CA6: variants seen among roughly 807,000 people sequenced by gnomAD.
CA6 encodes carbonate dehydratase VI.
Under a neutral mutation model 35.9 loss-of-function variants are expected in CA6, and 28 were observed. That is an observed-to-expected ratio of 0.78 (90% confidence interval 0.58 to 1.07). The LOEUF is 1.07. Ranked by LOEUF, CA6 falls within the 50% of genes least tolerant of loss-of-function variation. CA6 has a pLI of 0.00. For missense variants in CA6, 377 were observed against 382.0 expected, an observed-to-expected ratio of 0.99 and a Z score of 0.11; for synonymous variants, 148 against 152.6, an observed-to-expected ratio of 0.97 and a Z score of 0.22.
chr1:8,969,233 T>C (rs1195780085), intron 6 of CA6, among the ~76,000 whole-genome samples: 3 of 151,834 alleles, frequency 2.0e-5, no homozygotes, highest in Non-Finnish European at 4.4e-5. Context: ...GAGAATCGCT[T>C]GAACCCAGGA....
intron 6 of CA6, among the ~76,000 whole-genome samples, chr1:8,968,408 G>T (rs1640026619): frequency 6.6e-6 from 1 of 151,742 alleles, no homozygotes; most frequent in South Asian, 2.1e-4. Context: ...ATTATCTCTG[G>T]GAAAATGACC....
intron 4 of CA6, among the ~76,000 whole-genome samples, chr1:8,961,895 G>T (rs572876664): frequency 2.5e-4 from 38 of 152,340 alleles, no homozygotes; most frequent in African/African-American, 8.9e-4. Context: ...GAACTTGTGA[G>T]ATCAAGCCCT....
chr1:8,973,161 A>G (rs1569736478), intron 7 of CA6, among the ~76,000 whole-genome samples: 1 of 152,264 alleles, frequency 6.6e-6, no homozygotes, highest in East Asian at 1.9e-4. Context: ...CTGGGATTAC[A>G]GGCACGCGCC....
intron 5 of CA6, among the ~76,000 whole-genome samples, chr1:8,966,157 G>A (rs1242657462): frequency 2.0e-5 from 3 of 151,660 alleles, no homozygotes; most frequent in Non-Finnish European, 4.4e-5. Context: ...TCGCTGGGGC[G>A]GGAGTGCAGT....
chr1:8,960,781 C>CAT (rs1273392121), intron 4 of CA6, among the ~76,000 whole-genome samples: 3 of 107,598 alleles, frequency 2.8e-5, no homozygotes, highest in African/African-American at 3.5e-5. Flanking sequence ...CACACACACA[C>CAT]ACACACACAT....
intron 1 of CA6, among the ~76,000 whole-genome samples, chr1:8,947,342 T>C (rs1181504382): frequency 6.6e-6 from 1 of 152,038 alleles, no homozygotes; most frequent in Non-Finnish European, 1.5e-5. Context: ...GAGACAAACA[T>C]CTGCTTCCTG....
intron 2 of CA6, among the ~76,000 whole-genome samples, chr1:8,953,767 A>C (rs999231448): frequency 2.6e-5 from 4 of 152,148 alleles, no homozygotes; most frequent in African/African-American, 9.7e-5. Context: ...CCCCATCTTG[A>C]ATAGGGGGTG....
intron 2 of CA6, among the ~76,000 whole-genome samples, chr1:8,954,419 C>T (rs1417297479): frequency 6.6e-6 from 1 of 152,162 alleles, no homozygotes; most frequent in Non-Finnish European, 1.5e-5. Context: ...CCTGCTTCGG[C>T]CTCCCAAAGT....
chr1:8,969,999 T>A (rs1184565272), intron 6 of CA6, among the ~76,000 whole-genome samples: 1 of 150,896 alleles, frequency 6.6e-6, no homozygotes, highest in Non-Finnish European at 1.5e-5. Context: ...GCCTGAGGAG[T>A]TTGAGACCAG....
chr1:8,949,471 A>G, intron 2 of CA6, 29 bp downstream of exon 2: 1 of 1,590,638 alleles, frequency 6.3e-7, no homozygotes, highest in South Asian at 1.1e-5. Context: ...GAGGGGCTCC[A>G]GTCCATGGGC....
At chr1:8,966,617 C>T (rs893845546) in intron 5 of CA6, among the ~76,000 whole-genome samples, 12 of 152,176 alleles carry the variant, frequency 7.9e-5, no homozygotes, top group African/African-American at 2.9e-4. Context: ...CACTCTGAGA[C>T]ATTGTGGCCT....
intron 7 of CA6, chr1:8,974,295 A>C: frequency 8.1e-7 from 1 of 1,237,906 alleles, no homozygotes; most frequent in Non-Finnish European, 1.1e-6. Flanking sequence ...GACGATGGCC[A>C]AATACGGACC....
chr1:8,970,205 CAAAAAAAAA>C (rs57388930), intron 6 of CA6, among the ~76,000 whole-genome samples: 2 of 88,038 alleles, frequency 2.3e-5, no homozygotes, highest in African/African-American at 8.8e-5. Flanking sequence ...ACTCTGGTCT[CAAAAAAAAA>C]AAAAAAAAAA....
intron 5 of CA6, among the ~76,000 whole-genome samples, chr1:8,964,214 C>T (rs900262550): frequency 2.0e-5 from 3 of 152,196 alleles, no homozygotes; most frequent in South Asian, 4.1e-4. Flanking sequence ...GCTATTCTCT[C>T]CCTGGTCTTC....
intron 1 of CA6, among the ~76,000 whole-genome samples, chr1:8,946,926 C>T (rs1639382162): frequency 6.6e-6 from 1 of 151,482 alleles, no homozygotes; most frequent in African/African-American, 2.4e-5. Context: ...GTCTTAGCCT[C>T]CCAAGTAGCT....
intron 5 of CA6, among the ~76,000 whole-genome samples, chr1:8,965,251 GACA>G (rs1374816727): frequency 1.3e-5 from 2 of 151,754 alleles, no homozygotes; most frequent in Non-Finnish European, 2.9e-5. Flanking sequence ...CTCAAACAAC[GACA>G]ACAACAACAA....
In CA6 at chr1:8,951,543, T is replaced by C. The variant is rs1569663483; in HGVS notation, c.259+2101T>C. 3.9e-6 allele frequency: 3 copies of C among 765,170 alleles called. No individual in the cohort carries two copies. In the South Asian group the frequency reaches 4.0e-5, roughly 10 times the overall value. The allele number at this position is 765,170 out of a possible 1,614,324, so 47.4% of individuals were successfully genotyped here. On this transcript the variant is annotated intron_variant, in intron 2 of 7. Coordinates refer to ENST00000377443, the MANE Select transcript of CA6 (RefSeq NM_001215.4). ...CTGGACAGCTGGTGGGAAGCAATCA[T>C]TGATGGAGGATCTCTATGGGCAACG...
At chr1:8,973,497 C>CG (rs1557635175) in intron 7 of CA6, among the ~76,000 whole-genome samples, 1 of 152,158 alleles carries the variant, frequency 6.6e-6, no homozygotes, top group Non-Finnish European at 1.5e-5. Context: ...TTCTAGGTAC[C>CG]GGCCCCAGAC....
chr1:8,951,230 AAAAG>A (rs1257724381), intron 2 of CA6, among the ~76,000 whole-genome samples: 1 of 124,238 alleles, frequency 8.0e-6, no homozygotes, highest in South Asian at 2.8e-4. Flanking sequence ...GAAAAAAAAA[AAAAG>A]AAAGAAAGAA....
Sources: allele counts gnomAD v4.1 joint callset (sites outside exome capture counted in the v4.1 genomes callset), GRCh38; gene constraint gnomAD v4.1.1; transcripts MANE v1.5; gene names NCBI Gene and HGNC (gene_info 2026-07-23, HGNC 2026-07-21).